The following FAM171A1 variants were observed in gnomAD, a reference collection of about 807,000 sequenced individuals.
FAM171A1 encodes family with sequence similarity 171 member A1.
A neutral mutation model predicts 74.9 loss-of-function variants in FAM171A1; 23 were observed. The ratio of observed to expected loss-of-function variants is 0.31; its 90% CI spans 0.22 to 0.44. The LOEUF (loss-of-function observed/expected upper bound fraction) is 0.44, where lower values mean the gene tolerates loss of function less well. Ranked by LOEUF, FAM171A1 falls within the 20% of genes least tolerant of loss-of-function variation. The pLI is 1.00. For synonymous variants in FAM171A1, 527 were observed against 505.7 expected (o/e 1.04, Z -0.57); for missense variants, 1,162 against 1,159.2 (o/e 1.00, Z -0.03).
chr10:15,303,425 C>A (rs1191230159), intron 1 of FAM171A1, among the ~76,000 whole-genome samples: 2 of 152,128 alleles, frequency 1.3e-5, no homozygotes, highest in East Asian at 3.9e-4. Flanking sequence ...ATTTTCCACA[C>A]AGTTTAAGTT....
At chr10:15,352,691 T>A (rs1302006834) in intron 1 of FAM171A1, among the ~76,000 whole-genome samples, 1 of 152,220 alleles carries the variant, frequency 6.6e-6, no homozygotes, top group Non-Finnish European at 1.5e-5. Flanking sequence ...AAGTCTTTTG[T>A]CTATTTCAAA....
intron 4 of FAM171A1, among the ~76,000 whole-genome samples, chr10:15,250,214 G>A (rs11259577): frequency 0.21 from 31,660 of 152,134 alleles, 4,350 homozygotes; most frequent in East Asian, 0.48. Context: ...GTGTGGGAAT[G>A]GAGATTTCGT....
intron 1 of FAM171A1, among the ~76,000 whole-genome samples, chr10:15,327,415 C>G (rs920777457): frequency 3.9e-5 from 6 of 152,086 alleles, no homozygotes; most frequent in African/African-American, 1.4e-4. Context: ...TTTGGGAGGC[C>G]AAGGCAGGCA....
intron 3 of FAM171A1, among the ~76,000 whole-genome samples, chr10:15,261,531 A>C (rs1169238439): frequency 6.6e-6 from 1 of 152,232 alleles, no homozygotes; most frequent in Non-Finnish European, 1.5e-5. Flanking sequence ...GCAGTCATGG[A>C]AACGGCTTGA....
At chr10:15,238,273 T>C (rs180917283) in intron 5 of FAM171A1, among the ~76,000 whole-genome samples, 328 of 152,320 alleles carry the variant, frequency 2.2e-3, no homozygotes, top group Non-Finnish European at 3.9e-3. Flanking sequence ...CTGAAGACTA[T>C]TTTTTAAAGA....
At chr10:15,306,980 C>T (rs1470623685) in intron 1 of FAM171A1, among the ~76,000 whole-genome samples, 4 of 152,170 alleles carry the variant, frequency 2.6e-5, no homozygotes, top group African/African-American at 4.8e-5. Context: ...TCTGAAGACA[C>T]GGAACCCTCT....
At chr10:15,302,008 G>A (rs1234438872) in intron 1 of FAM171A1, among the ~76,000 whole-genome samples, 1 of 152,162 alleles carries the variant, frequency 6.6e-6, no homozygotes, top group Non-Finnish European at 1.5e-5. Context: ...CAATTTTTGG[G>A]TAATGTCTTT....
chr10:15,267,601 CAAAAAAAAAA>C (rs71390026), intron 3 of FAM171A1, among the ~76,000 whole-genome samples: 1 of 53,346 alleles, frequency 1.9e-5, no homozygotes, highest in Non-Finnish European at 3.0e-5. Flanking sequence ...GACACCATCG[CAAAAAAAAAA>C]AAAAAAAAAA....
chr10:15,325,607 A>T (rs907818841), intron 1 of FAM171A1, among the ~76,000 whole-genome samples: 1 of 152,152 alleles, frequency 6.6e-6, no homozygotes, highest in Non-Finnish European at 1.5e-5. Flanking sequence ...GCTTTCCATT[A>T]TGCTGGAACT....
chr10:15,239,916 A>G (rs1834342638), intron 5 of FAM171A1, among the ~76,000 whole-genome samples: 1 of 152,248 alleles, frequency 6.6e-6, no homozygotes, highest in Admixed American at 6.5e-5. Flanking sequence ...AAAATCCAAA[A>G]TCCAAAATGC....
At position 15,312,673 on chromosome 10, in the gene FAM171A1, G is replaced by GTTTTTTTTTTTTTTTTTTTTTT. The variant is rs1169098742; in HGVS notation, c.98-28590_98-28569dup. 1.4e-4 allele frequency among the ~76,000 whole-genome samples: 5 copies of GTTTTTTTTTTTTTTTTTTTTTT among 36,402 alleles called. 1 individual carries two copies. Among genetic ancestry groups the GTTTTTTTTTTTTTTTTTTTTTT allele is most frequent in the African/African-American group, 3.5e-4 (3 of 8,554 alleles). 23.9% of individuals were successfully genotyped at this position (36,402 alleles called of 152,430 possible). A position where few individuals can be genotyped will look rare whatever the true frequency, so the allele number is the denominator to read the frequency against. On this transcript the variant is annotated intron_variant, in intron 1 of 7. Transcript: ENST00000378116. The stretch of plus-strand genomic sequence containing the variant: ...TACTGGAATGAGTTCAGCACTGTGT[G>GTTTTTTTTTTTTTTTTTTTTTT]TTTTTTTTTTTTTTTTTTTTTTTTT...
intron 1 of FAM171A1, among the ~76,000 whole-genome samples, chr10:15,356,369 T>C (rs1835932212): frequency 6.6e-6 from 1 of 152,018 alleles, no homozygotes; most frequent in Non-Finnish European, 1.5e-5. Flanking sequence ...TATAGAAAGA[T>C]ACAACCAATT....
intron 5 of FAM171A1, chr10:15,240,875 A>C: frequency 3.7e-6 from 1 of 272,210 alleles, no homozygotes; most frequent in Non-Finnish European, 5.6e-6. Context: ...CCCTATCTCT[A>C]CAAAAAAAAA....
chr10:15,261,109 C>T (rs1048395592), intron 3 of FAM171A1, among the ~76,000 whole-genome samples: 8 of 152,162 alleles, frequency 5.3e-5, no homozygotes, highest in African/African-American at 9.7e-5. Context: ...GTTCCTCTCC[C>T]GAACTATCAT....
chr10:15,318,851 G>A (rs1466818914), intron 1 of FAM171A1, among the ~76,000 whole-genome samples: 1 of 152,130 alleles, frequency 6.6e-6, no homozygotes, highest in Non-Finnish European at 1.5e-5. Context: ...AGAAGATGAG[G>A]CAGTTCCATG....
At chr10:15,348,367 G>A (rs1835841000) in intron 1 of FAM171A1, among the ~76,000 whole-genome samples, 1 of 150,758 alleles carries the variant, frequency 6.6e-6, no homozygotes. Flanking sequence ...TGAACTCCTG[G>A]GCTCAAGTGA....
Position 15,254,750 on chromosome 10 carries a change from T to G in FAM171A1, c.548A>C (p.Tyr183Ser), listed in dbSNP as rs1564624007. ...SSPSEVDSFP[Y>S]LRGLDGNGTG... Reference sequence around the variant, plus strand: ...TCCATTTCCGTCTAATCCTCGCAAATAAGGAAAACTGTCCACCTCCGAAGG... The same window carrying G: ...TCCATTTCCGTCTAATCCTCGCAAAGAAGGAAAACTGTCCACCTCCGAAGG... The change falls in exon 4 of 8, where the codon TAT becomes TCT. Residue 183 changes from tyrosine to serine, a missense_variant. Coordinates refer to ENST00000378116, the MANE Select transcript of FAM171A1 (RefSeq NM_001010924.2). 1 of 1,614,054 alleles carries G rather than the reference T, an allele frequency of 6.2e-7. No individual in the cohort carries two copies. The highest frequency in any genetic ancestry group is 1.7e-5 in the Admixed American group (1 of 60,002).
chr10:15,244,017 TG>T (rs1834398745), intron 5 of FAM171A1, among the ~76,000 whole-genome samples: 2 of 152,326 alleles, frequency 1.3e-5, no homozygotes, highest in South Asian at 2.1e-4. Context: ...CCCAAAGTGC[TG>T]GGATTACAGG....
intron 1 of FAM171A1, among the ~76,000 whole-genome samples, chr10:15,343,848 T>C (rs147834821): frequency 3.3e-5 from 5 of 152,290 alleles, no homozygotes; most frequent in African/African-American, 1.2e-4. Context: ...AATGATAATG[T>C]CCCAGGCTTG....
Sources: gnomAD v4.1 joint callset for allele counts (sites outside exome capture counted in the v4.1 genomes callset) on GRCh38, gnomAD v4.1.1 for gene constraint, MANE v1.5 for transcripts, NCBI Gene and HGNC (gene_info 2026-07-23, HGNC 2026-07-21) for gene names.